GXYLT2: variants seen among roughly 807,000 people sequenced by gnomAD.
GXYLT2 encodes glycosyltransferase 8 domain containing 4.
A neutral mutation model predicts 45.8 loss-of-function variants in GXYLT2; 53 were observed. That is an observed-to-expected ratio of 1.16 (90% CI 0.93 to 1.46). GXYLT2 has a LOEUF of 1.46. GXYLT2 is among the 40% of genes most tolerant of loss of function. The pLI, the probability that GXYLT2 is intolerant of heterozygous loss-of-function variation, is 0.00. For missense variants in GXYLT2, 551 were observed against 544.4 expected, an observed-to-expected ratio of 1.01 and a Z score of -0.12; for synonymous variants, 219 against 214.2, an observed-to-expected ratio of 1.02 and a Z score of -0.19.
intron 5 of GXYLT2, among the ~76,000 whole-genome samples, chr3:72,962,142 C>G (rs982121552): frequency 2.0e-5 from 3 of 152,170 alleles, no homozygotes; most frequent in East Asian, 1.9e-4. Context: ...ACTGTATATT[C>G]ACCACACCAA....
chr3:72,892,198 G>T (rs1709195917), intron 1 of GXYLT2, among the ~76,000 whole-genome samples: 1 of 152,186 alleles, frequency 6.6e-6, no homozygotes, highest in South Asian at 2.1e-4. Context: ...CCTATGATGA[G>T]ATCATCAAGT....
At chr3:72,892,695 A>G (rs1709204210) in intron 1 of GXYLT2, among the ~76,000 whole-genome samples, 1 of 152,202 alleles carries the variant, frequency 6.6e-6, no homozygotes, top group Non-Finnish European at 1.5e-5. Flanking sequence ...ACCTGAATAA[A>G]GGTCTCGCTA....
At chr3:72,934,383 G>T (rs1350166089) in intron 3 of GXYLT2, among the ~76,000 whole-genome samples, 2 of 152,084 alleles carry the variant, frequency 1.3e-5, no homozygotes, top group Middle Eastern at 3.2e-3. Flanking sequence ...ACCACACCTA[G>T]CTGATAATTA....
intron 5 of GXYLT2, among the ~76,000 whole-genome samples, chr3:72,958,500 A>G (rs1049578218): frequency 6.6e-6 from 1 of 152,106 alleles, no homozygotes; most frequent in Non-Finnish European, 1.5e-5. Context: ...TCAATTTCAT[A>G]TGTCTTTGGA....
intron 3 of GXYLT2, chr3:72,928,978 C>G: frequency 2.0e-6 from 2 of 980,978 alleles, no homozygotes; most frequent in Non-Finnish European, 3.1e-6. Context: ...CCCTCGGTAC[C>G]GCCCCAAGGC....
At chr3:72,902,997 G>A (rs984689806) in intron 1 of GXYLT2, among the ~76,000 whole-genome samples, 2 of 152,156 alleles carry the variant, frequency 1.3e-5, no homozygotes, top group African/African-American at 2.4e-5. Flanking sequence ...TTGCCACAGG[G>A]TGAGACTCCG....
In GXYLT2 at chr3:72,961,674, A is replaced by AAG. The variant is rs35904914; in HGVS notation, c.976+4336_976+4337dup. 8.8e-3 allele frequency among the ~76,000 whole-genome samples: 1,043 copies of AAG among 118,482 alleles called. 45 individuals carry two copies. Among genetic ancestry groups the AAG allele is most frequent in the Non-Finnish European group, 0.01 (602 of 58,348 alleles). 77.7% of individuals were successfully genotyped at this position (118,482 alleles called of 152,430 possible). ...GAATTCTTAGCAAAAAAAAAAAAAA[A>AAG]AGAGAGAGAGAGAGACTGGCCCAGC... is the stretch of plus-strand genomic sequence containing the variant. On this transcript the variant is annotated intron_variant, in intron 5 of 6. Coordinates refer to ENST00000389617, the MANE Select transcript of GXYLT2 (RefSeq NM_001080393.2).
chr3:72,952,602 A>C (rs1022267753), intron 3 of GXYLT2, among the ~76,000 whole-genome samples: 1 of 152,102 alleles, frequency 6.6e-6, no homozygotes, highest in African/African-American at 2.4e-5. Context: ...TTATTTTCTC[A>C]TGGTTCTGGA....
intron 2 of GXYLT2, among the ~76,000 whole-genome samples, chr3:72,914,529 G>A (rs80000847): frequency 8.7e-6 from 1 of 115,454 alleles, no homozygotes; most frequent in Admixed American, 9.9e-5. Flanking sequence ...ACATATATAT[G>A]TGTGTGTGTG....
chr3:72,908,696 GT>G, intron 2 of GXYLT2, 137 bp downstream of exon 2: 2 of 695,778 alleles, frequency 2.9e-6, no homozygotes, highest in African/African-American at 1.8e-5. Flanking sequence ...CTGAGCCTCA[GT>G]TTTTGGTAAA....
chr3:72,928,284 G>A (rs550564511), intron 3 of GXYLT2, among the ~76,000 whole-genome samples: 2 of 152,162 alleles, frequency 1.3e-5, no homozygotes, highest in Non-Finnish European at 2.9e-5. Flanking sequence ...GCAAATGAAG[G>A]AACATTTATT....
intron 5 of GXYLT2, among the ~76,000 whole-genome samples, chr3:72,965,278 G>A (rs1430023852): frequency 6.6e-6 from 1 of 152,182 alleles, no homozygotes; most frequent in Non-Finnish European, 1.5e-5. Context: ...GATGGGATGG[G>A]TGACAATCAC....
intron 4 of GXYLT2, among the ~76,000 whole-genome samples, chr3:72,955,831 A>C (rs2107142233): frequency 6.6e-6 from 1 of 152,336 alleles, no homozygotes; most frequent in South Asian, 2.1e-4. Context: ...TAATCCCAGC[A>C]CTTTGGAAGA....
intron 3 of GXYLT2, among the ~76,000 whole-genome samples, chr3:72,936,317 A>G (rs147077510): frequency 0.013 from 1,956 of 147,750 alleles, 52 homozygotes; most frequent in African/African-American, 0.046. Context: ...AAAAAAAAAG[A>G]AAAAGAAGAG....
Position 72,908,069 on chromosome 3 carries a change from A to T in GXYLT2, c.276-298A>T, listed in dbSNP as rs888675448. ...GTCGAAGTTTAGCAATACTATTTCCAAACATGGGCCAGTAGGCAGCCAGCA... is the reference window on the plus strand; with the variant it reads ...GTCGAAGTTTAGCAATACTATTTCCTAACATGGGCCAGTAGGCAGCCAGCA... On this transcript the variant is annotated intron_variant, in intron 1 of 6. Transcript: ENST00000389617. The T allele has an allele frequency of 1.2e-4, 32 of 261,464 alleles. No homozygotes were observed. The East Asian group carries it at 2.4e-3, about 20-fold the overall frequency. The allele number at this position is 261,464 out of a possible 1,614,324, so 16.2% of individuals were successfully genotyped here.
chr3:72,926,954 G>C (rs964309813), intron 3 of GXYLT2: 1 of 152,226 alleles, frequency 6.6e-6, no homozygotes, highest in African/African-American at 2.4e-5. Context: ...TAAGGAAGGA[G>C]TTAGAGAGGG....
intron 3 of GXYLT2, among the ~76,000 whole-genome samples, chr3:72,935,968 T>C (rs1482356879): frequency 6.6e-6 from 1 of 152,094 alleles, no homozygotes; most frequent in Admixed American, 6.6e-5. Context: ...GGAAAGGAGA[T>C]GATAGCTGCA....
At chr3:72,944,634 T>C (rs7618362) in intron 3 of GXYLT2, among the ~76,000 whole-genome samples, 88,922 of 151,912 alleles carry the variant, frequency 0.59, 26,662 homozygotes, top group Admixed American at 0.65. Flanking sequence ...TTGTTTGCTC[T>C]TCTCTGTTTC....
intron 2 of GXYLT2, among the ~76,000 whole-genome samples, chr3:72,917,264 G>T (rs937329650): frequency 6.6e-6 from 1 of 152,014 alleles, no homozygotes; most frequent in African/African-American, 2.4e-5. Context: ...ATACTTTTTC[G>T]AGGGCTGATT....
Sources: gnomAD v4.1 joint callset for allele counts (sites outside exome capture counted in the v4.1 genomes callset) on GRCh38, gnomAD v4.1.1 for gene constraint, MANE v1.5 for transcripts, NCBI Gene and HGNC (gene_info 2026-07-23, HGNC 2026-07-21) for gene names.